Variants in ADGRL2 observed in about 807,000 individuals in gnomAD.
The protein encoded by ADGRL2 is calcium-independent alpha-latrotoxin receptor 2.
Under a neutral mutation model 157.4 loss-of-function variants are expected in ADGRL2, and 44 were observed. That is an observed-to-expected ratio of 0.28 (90% CI 0.22 to 0.36). ADGRL2 has a LOEUF of 0.36. Ranked by LOEUF, ADGRL2 falls within the 10% of genes least tolerant of loss-of-function variation. The probability of loss-of-function intolerance (pLI) is 1.00; values close to 1 mark genes in which losing one functional copy is unlikely to be tolerated. For synonymous variants in ADGRL2, 585 were observed against 624.7 expected, an observed-to-expected ratio of 0.94 and a Z score of 0.95; for missense variants, 1,510 against 1,768.9, an observed-to-expected ratio of 0.85 and a Z score of 2.63.
At chr1:81,343,591 A>G (rs1662248897) in intron 1 of ADGRL2, among the ~76,000 whole-genome samples, 1 of 152,144 alleles carries the variant, frequency 6.6e-6, no homozygotes, top group African/African-American at 2.4e-5. Context: ...TAGGCTGGGA[A>G]TTCCAAGATC....
intron 3 of ADGRL2, among the ~76,000 whole-genome samples, chr1:81,681,320 A>G (rs2083108758): frequency 6.6e-6 from 1 of 152,228 alleles, no homozygotes; most frequent in African/African-American, 2.4e-5. Context: ...GGGAGCCTCC[A>G]TGTGAACTGG....
intron 2 of ADGRL2, among the ~76,000 whole-genome samples, chr1:81,542,022 G>T (rs1253377676): frequency 1.3e-5 from 2 of 152,126 alleles, no homozygotes; most frequent in Admixed American, 1.3e-4. Context: ...AAAGTAACTT[G>T]CCTCAGACTT....
At chr1:81,592,129 C>T (rs963282444) in intron 3 of ADGRL2, among the ~76,000 whole-genome samples, 1 of 152,104 alleles carries the variant, frequency 6.6e-6, no homozygotes, top group African/African-American at 2.4e-5. Flanking sequence ...CTTTAGAGTT[C>T]CAATTTCCCC....
At chr1:81,680,967 A>C (rs2083100843) in intron 3 of ADGRL2, among the ~76,000 whole-genome samples, 1 of 152,210 alleles carries the variant, frequency 6.6e-6, no homozygotes, top group African/African-American at 2.4e-5. Context: ...TGACACACAT[A>C]GTTTACTAAA....
intron 2 of ADGRL2, among the ~76,000 whole-genome samples, chr1:81,542,033 A>T (rs1206332505): frequency 2.6e-5 from 4 of 152,202 alleles, no homozygotes; most frequent in Non-Finnish European, 4.4e-5. Flanking sequence ...CCTCAGACTT[A>T]AAGGTCCTCG....
In ADGRL2 at chr1:81,676,236, C is replaced by T. The variant is rs575702053; in HGVS notation, c.-142-85575C>T. Among the ~76,000 whole-genome samples the T allele has an allele frequency of 2.6e-5, 4 of 152,172 alleles. No individual in the cohort carries two copies. In the South Asian group the frequency reaches 8.3e-4, roughly 32 times the overall value. ...ATATTGGCCAGGCTGGTCTTGAACT[C>T]CTGACCTCATGATCTGCCCGCCTCG... is the stretch of plus-strand genomic sequence containing the variant. On this transcript the variant is annotated intron_variant, in intron 3 of 24. Coordinates refer to the ADGRL2 transcript ENST00000370721.
chr1:81,796,657 A>G (rs1025953368), upstream of ADGRL2, among the ~76,000 whole-genome samples: 31 of 152,230 alleles, frequency 2.0e-4, no homozygotes, highest in Admixed American at 5.9e-4. Flanking sequence ...TATATTAATT[A>G]ACACGTGTGG....
At chr1:81,914,664 A>G (rs925624086) in intron 3 of ADGRL2, among the ~76,000 whole-genome samples, 2 of 152,160 alleles carry the variant, frequency 1.3e-5, no homozygotes, top group East Asian at 1.9e-4. Flanking sequence ...CATCATGTCT[A>G]TGCAATCTAC....
At chr1:81,776,049 C>G (rs2149362369) in intron 2 of ADGRL2, among the ~76,000 whole-genome samples, 1 of 152,230 alleles carries the variant, frequency 6.6e-6, no homozygotes, top group East Asian at 1.9e-4. Flanking sequence ...TAATGATTTA[C>G]TATCAGTGCT....
chr1:81,548,681 T>C (rs555595721), intron 2 of ADGRL2, among the ~76,000 whole-genome samples: 1 of 151,644 alleles, frequency 6.6e-6, no homozygotes, highest in Admixed American at 6.6e-5. Flanking sequence ...AAGGTTTTTA[T>C]TTTTCCCCAA....
intron 3 of ADGRL2, among the ~76,000 whole-genome samples, chr1:81,610,089 T>A (rs968917550): frequency 6.6e-6 from 1 of 152,148 alleles, no homozygotes; most frequent in African/African-American, 2.4e-5. Flanking sequence ...AATTCCTGAT[T>A]AGAATGCTAG....
chr1:81,587,321 A>G (rs2081047518), intron 3 of ADGRL2, among the ~76,000 whole-genome samples: 1 of 152,108 alleles, frequency 6.6e-6, no homozygotes, highest in Admixed American at 6.6e-5. Context: ...GGAGTTATTA[A>G]TACCTCTTTG....
chr1:81,990,567 G>T lies in ADGRL2; in HGVS notation c.3832G>T (p.Val1278Leu). 2 of 1,614,152 alleles carry T rather than the reference G, an allele frequency of 1.2e-6. No individual in the cohort carries two copies. The highest frequency in any genetic ancestry group is 8.5e-7 in the Non-Finnish European group (1 of 1,180,030). Residue 1278 changes from valine (V) to leucine (L), a missense_variant, in exon 24 of 24, where the codon GTG (valine) becomes TTG (leucine). Coordinates refer to ENST00000686636, the MANE Select transcript of ADGRL2 (RefSeq NM_001366006.2). The stretch of plus-strand genomic sequence containing the variant: ...TGAGAAAATGATCATTTCAGAATTA[G>T]TGCACAACAACTTACGGGGCAGCAG... ...AFEKMIISEL[V>L]HNNLRGSSKT...
At position 81,683,628 on chromosome 1, in the gene ADGRL2, C is replaced by T. The variant is rs564874224; in HGVS notation, c.-142-78183C>T. Among the ~76,000 whole-genome samples, 21 of 151,950 alleles carry T rather than the reference C, an allele frequency of 1.4e-4. No individual in the cohort carries two copies. The South Asian group carries it at 4.4e-3, about 32-fold the overall frequency. ...TCACTGCAAATACTGTTAATTAATT[C>T]CTTTTATGGCTGCGTAGTATTCCAT... On this transcript the variant is annotated intron_variant, in intron 3 of 24. Transcript: ENST00000370721.
intron 2 of ADGRL2, among the ~76,000 whole-genome samples, chr1:81,565,485 G>A (rs1364470362): frequency 1.3e-5 from 2 of 152,160 alleles, no homozygotes; most frequent in African/African-American, 4.8e-5. Flanking sequence ...GGATTCCCAG[G>A]CAGTTTTGTT....
At chr1:81,616,674 C>CTTTTTTTTTT (rs1393879384) in intron 3 of ADGRL2, among the ~76,000 whole-genome samples, 1 of 51,868 alleles carries the variant, frequency 1.9e-5, no homozygotes, top group Non-Finnish European at 4.0e-5. Context: ...CTTTTCTTTT[C>CTTTTTTTTTT]TTTTCTTTTT....
chr1:81,647,707 G>A (rs1025005742), intron 3 of ADGRL2, among the ~76,000 whole-genome samples: 2 of 152,030 alleles, frequency 1.3e-5, no homozygotes, highest in Admixed American at 1.3e-4. Flanking sequence ...ATAATTTAAG[G>A]TGCACTCTCA....
At chr1:81,596,685 T>G (rs1284567441) in intron 3 of ADGRL2, among the ~76,000 whole-genome samples, 1 of 152,170 alleles carries the variant, frequency 6.6e-6, no homozygotes, top group African/African-American at 2.4e-5. Flanking sequence ...TTTTACTTTT[T>G]TTTTTTGGAC....
chr1:81,495,326 T>C (rs1206078372), intron 2 of ADGRL2, among the ~76,000 whole-genome samples: 1 of 152,164 alleles, frequency 6.6e-6, no homozygotes, highest in Non-Finnish European at 1.5e-5. Context: ...GACTTAAAAA[T>C]TGAAGTTTGT....
Sources: allele counts gnomAD v4.1 joint callset (sites outside exome capture counted in the v4.1 genomes callset), GRCh38; gene constraint gnomAD v4.1.1; transcripts MANE v1.5; gene names NCBI Gene and HGNC (gene_info 2026-07-23, HGNC 2026-07-21).